TTI1: variants seen among roughly 807,000 people sequenced by gnomAD.
TTI1 encodes TELO2 interacting protein 1, also known as TELO2-interacting protein 1 homolog.
A neutral mutation model predicts 85.4 loss-of-function variants in TTI1; 52 were observed. The ratio of observed to expected loss-of-function variants is 0.61; its 90% CI spans 0.49 to 0.77. TTI1 has a LOEUF of 0.77. Ranked by LOEUF, TTI1 falls within the 30% of genes least tolerant of loss-of-function variation. The pLI, the probability that TTI1 is intolerant of heterozygous loss-of-function variation, is 0.00. For synonymous variants in TTI1, 512 were observed against 503.9 expected (o/e 1.02, Z -0.22); for missense variants, 1,173 against 1,296.0 (o/e 0.91, Z 1.46).
chr20:38,012,668 T>C lies in TTI1; in HGVS notation c.1149A>G (p.Thr383=), dbSNP rs373724634. The change falls in exon 2 of 8, where the codon ACA becomes ACG. Residue 383 remains threonine, a synonymous_variant. Transcript: ENST00000373447. ...ILSESLHSLA[T]SLPRLMNSQD... ...GGGAGTTCATTAGGCGAGGAAGAGATGTGGCAAGGGAATGCAGGCTTTCTG... is the reference window on the plus strand; with the variant it reads ...GGGAGTTCATTAGGCGAGGAAGAGACGTGGCAAGGGAATGCAGGCTTTCTG... The C allele has an allele frequency of 5.0e-6, 8 of 1,614,108 alleles. No homozygotes were observed. The African/African-American group carries it at 8.0e-5, about 16-fold the overall frequency.
In TTI1 at chr20:38,002,689, AT is replaced by A; in HGVS notation, c.2590del (p.Met864TrpfsTer3). ...GTGGATGCAGCGTTCCATCACGTCCATGGCTATTTGGATCTGCAATGGCAGT... is the reference window on the plus strand; with the variant it reads ...GTGGATGCAGCGTTCCATCACGTCCAGGCTATTTGGATCTGCAATGGCAGT... ...PPLPLQIQIA[M>X]DVMERCIHLL... On this transcript the variant is annotated frameshift_variant, in exon 4 of 8. Transcript: ENST00000373447. LOFTEE classifies it high-confidence loss of function. 6.2e-7 allele frequency: 1 copy of A among 1,614,220 alleles called. No individual in the cohort carries two copies. Among genetic ancestry groups the A allele is most frequent in the South Asian group, 1.1e-5 (1 of 91,078 alleles).
At chr20:38,022,796 A>G (rs1329553452) in intron 1 of TTI1, among the ~76,000 whole-genome samples, 2 of 152,226 alleles carry the variant, frequency 1.3e-5, no homozygotes, top group African/African-American at 4.8e-5. Flanking sequence ...TCTGAAGAAC[A>G]AGTCGTAAGA....
intron 2 of TTI1, among the ~76,000 whole-genome samples, chr20:38,010,467 C>CTTTTTTTT (rs764386880): frequency 2.9e-5 from 3 of 104,422 alleles, no homozygotes; most frequent in African/African-American, 1.2e-4. Context: ...TTTGCCATTC[C>CTTTTTTTT]TTTTTTTTTT....
intron 2 of TTI1, among the ~76,000 whole-genome samples, chr20:38,009,718 G>C (rs1045191617): frequency 1.2e-4 from 18 of 152,196 alleles, no homozygotes; most frequent in Admixed American, 9.2e-4. Flanking sequence ...GCCCAGGCTG[G>C]TCTTGAACTC....
At chr20:38,002,518 G>A (rs931879534) in intron 4 of TTI1, 110 bp downstream of exon 4, 34 of 1,418,870 alleles carry the variant, frequency 2.4e-5, no homozygotes, top group East Asian at 2.3e-5. Flanking sequence ...GCCACCACAC[G>A]TGGACCAGGA....
At chr20:37,985,080 C>T (rs1339995353) in intron 7 of TTI1, among the ~76,000 whole-genome samples, 2 of 152,188 alleles carry the variant, frequency 1.3e-5, no homozygotes, top group East Asian at 1.9e-4. Flanking sequence ...TAACAGGATT[C>T]AAATTATCAG....
chr20:38,004,936 AG>A (rs1477598015), intron 3 of TTI1, among the ~76,000 whole-genome samples: 1 of 152,214 alleles, frequency 6.6e-6, no homozygotes, highest in Non-Finnish European at 1.5e-5. Flanking sequence ...AACAAATCTG[AG>A]AAGAAAAAGC....
Position 37,999,347 on chromosome 20 carries a change from C to T in TTI1, c.2653-19G>A. 7.2e-7 allele frequency: 1 copy of T among 1,384,236 alleles called. No individual in the cohort carries two copies. Among genetic ancestry groups the T allele is most frequent in the East Asian group, 2.7e-5 (1 of 36,542 alleles). The allele number at this position is 1,384,236 out of a possible 1,614,324, so 85.7% of individuals were successfully genotyped here. A position where few individuals can be genotyped will look rare whatever the true frequency, so the allele number is the denominator to read the frequency against. On this transcript the variant is annotated intron_variant, in intron 4 of 7. Transcript: ENST00000373447. ...CCAAGACCTGAAAGAGACACGATTTCAGCAGATGGTATAGGCTTGAAAACA... is the reference window on the plus strand; with the variant it reads ...CCAAGACCTGAAAGAGACACGATTTTAGCAGATGGTATAGGCTTGAAAACA...
At chr20:38,023,834 G>A (rs2073800938) in intron 1 of TTI1, among the ~76,000 whole-genome samples, 2 of 152,192 alleles carry the variant, frequency 1.3e-5, no homozygotes, top group African/African-American at 2.4e-5. Context: ...CATACAGTGT[G>A]CTAAATTCTT....
At chr20:37,992,505 G>C (rs1006255554) in intron 7 of TTI1, among the ~76,000 whole-genome samples, 5 of 152,170 alleles carry the variant, frequency 3.3e-5, no homozygotes, top group Admixed American at 2.6e-4. Flanking sequence ...TGGAGCTCCT[G>C]AGCCCAGGTG....
intron 2 of TTI1, among the ~76,000 whole-genome samples, chr20:38,008,181 T>C (rs2073529676): frequency 6.6e-6 from 1 of 152,248 alleles, no homozygotes; most frequent in Admixed American, 6.5e-5. Context: ...ACATTGCTGA[T>C]GGAGTTTAAA....
intron 1 of TTI1, among the ~76,000 whole-genome samples, chr20:38,025,730 G>A (rs2073828839): frequency 6.6e-6 from 1 of 151,966 alleles, no homozygotes; most frequent in Non-Finnish European, 1.5e-5. Context: ...TGAAGGAATA[G>A]AAAGCCTCGA....
intron 7 of TTI1, among the ~76,000 whole-genome samples, chr20:37,988,259 G>A (rs760532936): frequency 4.6e-5 from 7 of 152,156 alleles, no homozygotes; most frequent in South Asian, 4.1e-4. Context: ...AAGAGCGAGT[G>A]GACCAGATCA....
intron 1 of TTI1, among the ~76,000 whole-genome samples, chr20:38,020,317 A>ATATATATATATATATAT (rs1568628878): frequency 1.4e-4 from 6 of 44,038 alleles, no homozygotes; most frequent in African/African-American, 7.3e-4. Context: ...TATGAAAAAA[A>ATATATATATATATATAT]AAAAAAATAT....
intron 1 of TTI1, among the ~76,000 whole-genome samples, chr20:38,019,333 A>G (rs975415491): frequency 6.6e-6 from 1 of 152,216 alleles, no homozygotes; most frequent in South Asian, 2.1e-4. Flanking sequence ...TAACTGTACA[A>G]AACAATAACT....
At chr20:37,985,422 G>T (rs779435976) in intron 7 of TTI1, among the ~76,000 whole-genome samples, 1 of 152,096 alleles carries the variant, frequency 6.6e-6, no homozygotes, top group Non-Finnish European at 1.5e-5. Context: ...AGGGGATTTG[G>T]GTCTTACCGT....
intron 2 of TTI1, among the ~76,000 whole-genome samples, chr20:38,007,661 C>T (rs988281421): frequency 6.6e-6 from 1 of 152,266 alleles, no homozygotes; most frequent in African/African-American, 2.4e-5. Flanking sequence ...CTTTTGCAGA[C>T]AGCTGGGAAA....
At position 38,013,016 on chromosome 20, in the gene TTI1, TCTGTGCTCAA is replaced by T; in HGVS notation, c.791_800del (p.Val264GlufsTer2). 1.2e-6 allele frequency: 2 copies of T among 1,614,098 alleles called. No homozygotes were observed. Among genetic ancestry groups the T allele is most frequent in the Non-Finnish European group, 1.7e-6 (2 of 1,180,042 alleles). ...CCCTGTAAACCATCAGCTCTGCTACTCTGTGCTCAACTGCAGGTTTTGCTTGGACCTTTGA... is the reference window on the plus strand; with the variant it reads ...CCCTGTAAACCATCAGCTCTGCTACTCTGCAGGTTTTGCTTGGACCTTTGA... On this transcript the variant is annotated frameshift_variant, in exon 2 of 8. Coordinates refer to ENST00000373447, the MANE Select transcript of TTI1 (RefSeq NM_001303457.2). LOFTEE classifies it high-confidence loss of function.
chr20:38,031,092 C>T (rs1030216916), intron 1 of TTI1, among the ~76,000 whole-genome samples: 1 of 152,194 alleles, frequency 6.6e-6, no homozygotes, highest in African/African-American at 2.4e-5. Flanking sequence ...AGATACCACC[C>T]TGGTTTGAGT....
Sources: gnomAD v4.1 joint callset for allele counts (sites outside exome capture counted in the v4.1 genomes callset) on GRCh38, gnomAD v4.1.1 for gene constraint, MANE v1.5 for transcripts, NCBI Gene and HGNC (gene_info 2026-07-23, HGNC 2026-07-21) for gene names.